The following TSC22D4 variants were observed in gnomAD, a reference collection of about 807,000 sequenced individuals.
TSC22D4 encodes the protein TSC22 domain family member 4, also known as TSC22 domain family protein 4.
Under a neutral mutation model 24.9 loss-of-function variants are expected in TSC22D4, and 5 were observed. The ratio of observed to expected loss-of-function variants is 0.20; its 90% confidence interval spans 0.10 to 0.42. TSC22D4 has a LOEUF of 0.42. Among genes scored for constraint, TSC22D4 ranks in the 10% least tolerant of loss-of-function variants. The pLI is 1.00. For synonymous variants in TSC22D4, 245 were observed against 243.2 expected, an observed-to-expected ratio of 1.01 and a Z score of -0.07; for missense variants, 469 against 547.9, an observed-to-expected ratio of 0.86 and a Z score of 1.44.
intron 3 of TSC22D4, among the ~76,000 whole-genome samples, chr7:100,471,131 C>T (rs1422596202): frequency 6.6e-6 from 1 of 150,702 alleles, no homozygotes; most frequent in Non-Finnish European, 1.5e-5. Flanking sequence ...GGGGATCCCC[C>T]AGGGCCTAGG....
In TSC22D4 at chr7:100,474,127, G is replaced by T; in HGVS notation, c.929+147C>A. 1 of 1,010,764 alleles carries T rather than the reference G, an allele frequency of 9.9e-7. No individual in the cohort carries two copies. Among genetic ancestry groups the T allele is most frequent in the Non-Finnish European group, 1.4e-6 (1 of 690,202 alleles). The allele number at this position is 1,010,764 out of a possible 1,614,324, so 62.6% of individuals were successfully genotyped here. ...GGTCCGAAATCAACTGTGTGCAGTG[G>T]CTATGCCCAGGCCAGGTTTCTCTAA... On this transcript the variant is annotated intron_variant, in intron 3 of 4. Coordinates refer to ENST00000300181, the MANE Select transcript of TSC22D4 (RefSeq NM_030935.5). This position sits in a 1 kb window ranked among gnomAD's most constrained non-coding sequence, Gnocchi z 4.3.
At chr7:100,470,452 C>A (rs1311735326) in intron 3 of TSC22D4, among the ~76,000 whole-genome samples, 3 of 152,092 alleles carry the variant, frequency 2.0e-5, no homozygotes, top group Non-Finnish European at 4.4e-5. Flanking sequence ...CCACCATGCC[C>A]AGCTAATTTT....
In TSC22D4 at chr7:100,466,910, T is replaced by A; in HGVS notation, c.*49A>T. On this transcript the variant is annotated 3_prime_UTR_variant, in exon 5 of 5. Transcript: ENST00000300181. ...TGCATAGGAAGAGGGGGCAGGCGGCTGACGCAAGGCCGGGCAGCCCCAAAG... is the reference window on the plus strand; with the variant it reads ...TGCATAGGAAGAGGGGGCAGGCGGCAGACGCAAGGCCGGGCAGCCCCAAAG... 2.0e-6 allele frequency: 3 copies of A among 1,472,640 alleles called. No individual in the cohort carries two copies. Among genetic ancestry groups the A allele is most frequent in the Non-Finnish European group, 2.7e-6 (3 of 1,104,144 alleles). 91.2% of individuals were successfully genotyped at this position (1,472,640 alleles called of 1,614,324 possible).
chr7:100,467,842 G>A, intron 3 of TSC22D4: 1 of 687,968 alleles, frequency 1.5e-6, no homozygotes, highest in Non-Finnish European at 2.7e-6. Flanking sequence ...GCAAGGGGAA[G>A]AGGCACAGCC....
At chr7:100,472,916 C>T (rs1019015576) in intron 3 of TSC22D4, among the ~76,000 whole-genome samples, 3 of 152,070 alleles carry the variant, frequency 2.0e-5, no homozygotes, top group Non-Finnish European at 4.4e-5. Context: ...ACCCACTCAC[C>T]CACTCTCGAA....
Position 100,466,902 on chromosome 7 carries a change from C to T in TSC22D4, c.*57G>A. On this transcript the variant is annotated 3_prime_UTR_variant, in exon 5 of 5. Coordinates refer to ENST00000300181, the MANE Select transcript of TSC22D4 (RefSeq NM_030935.5). ...ATTAAAGCTGCATAGGAAGAGGGGG[C>T]AGGCGGCTGACGCAAGGCCGGGCAG... The T allele has an allele frequency of 6.9e-7, 1 of 1,443,158 alleles. No homozygotes were observed. The highest frequency in any genetic ancestry group is 9.3e-7 in the Non-Finnish European group (1 of 1,078,810). The allele number at this position is 1,443,158 out of a possible 1,614,324, so 89.4% of individuals were successfully genotyped here.
intron 3 of TSC22D4, chr7:100,473,786 T>C (rs1236032524): frequency 6.6e-6 from 1 of 151,986 alleles, no homozygotes; most frequent in Non-Finnish European, 1.5e-5. Context: ...TTTCTTTCTT[T>C]CTTTTTCTTT....
chr7:100,472,740 C>G (rs1799417173), intron 3 of TSC22D4, among the ~76,000 whole-genome samples: 1 of 139,836 alleles, frequency 7.2e-6, no homozygotes. Context: ...GGCACTCTTG[C>G]CCTCCGTCCC....
chr7:100,476,044 T>C (rs981119779), intron 2 of TSC22D4, among the ~76,000 whole-genome samples: 3 of 145,934 alleles, frequency 2.1e-5, no homozygotes, highest in Admixed American at 6.8e-5. Flanking sequence ...GGCTGGGGAG[T>C]AGGGGGCACT....
In TSC22D4 at chr7:100,467,082, G is replaced by A. The variant is rs1194766462; in HGVS notation, c.1065C>T (p.Asn355=). 3.7e-6 allele frequency: 6 copies of A among 1,614,090 alleles called. No individual in the cohort carries two copies. The highest frequency in any genetic ancestry group is 2.2e-5 in the East Asian group (1 of 44,874). The change falls in exon 5 of 5, where the codon AAC becomes AAT. Residue 355 remains asparagine, a synonymous_variant. Coordinates refer to ENST00000300181, the MANE Select transcript of TSC22D4 (RefSeq NM_030935.5). ...KEQIRELAER[N]AALEQENGLL... is the part of the protein sequence containing the mutation. ...GCCCATTCTCCTGCTCCAGCGCAGC[G>A]TTCCGCTCCGCCAATTCCCGGATCT...
At chr7:100,472,049 T>G (rs2131045767) in intron 3 of TSC22D4, among the ~76,000 whole-genome samples, 1 of 151,998 alleles carries the variant, frequency 6.6e-6, no homozygotes, top group East Asian at 1.9e-4. Context: ...CTGGGGCACG[T>G]GAGCATTCTA....
chr7:100,470,957 T>G (rs1456803644), intron 3 of TSC22D4, among the ~76,000 whole-genome samples: 1 of 152,200 alleles, frequency 6.6e-6, no homozygotes, highest in Non-Finnish European at 1.5e-5. Flanking sequence ...GCAGGACTCT[T>G]GGTCCTGGGG....
Position 100,466,928 on chromosome 7 carries a change from C to A in TSC22D4, c.*31G>T. The A allele has an allele frequency of 6.6e-7, 1 of 1,509,158 alleles. No homozygotes were observed. The highest frequency in any genetic ancestry group is 8.9e-7 in the Non-Finnish European group (1 of 1,125,744). 93.5% of individuals were successfully genotyped at this position (1,509,158 alleles called of 1,614,324 possible). ...AGGCGGCTGACGCAAGGCCGGGCAG[C>A]CCCAAAGGCACATTGTAAGGGAAGG... On this transcript the variant is annotated 3_prime_UTR_variant, in exon 5 of 5. Coordinates refer to ENST00000300181, the MANE Select transcript of TSC22D4 (RefSeq NM_030935.5).
chr7:100,469,227 TA>T (rs57659736), intron 3 of TSC22D4, among the ~76,000 whole-genome samples: 3,305 of 130,318 alleles, frequency 0.025, 70 homozygotes, highest in African/African-American at 0.059. Flanking sequence ...AACTCTGTCT[TA>T]AAAAAAAAAA....
chr7:100,467,451 G>T, intron 4 of TSC22D4, 101 bp downstream of exon 4: 1 of 1,298,220 alleles, frequency 7.7e-7, no homozygotes, highest in Non-Finnish European at 1.1e-6. Flanking sequence ...GGACGGAGGA[G>T]CTGGGAGTTG....
In TSC22D4 at chr7:100,466,996, C is replaced by T. The variant is rs781001373; in HGVS notation, c.1151G>A (p.Arg384Gln). Residue 384 changes from arginine to glutamine, a missense_variant, in exon 5 of 5, where the codon CGG (arginine) becomes CAG (glutamine). By Grantham distance (43) the Arg-to-Gln change is conservative. Coordinates refer to ENST00000300181, the MANE Select transcript of TSC22D4 (RefSeq NM_030935.5). ...LAQLPSSGVP[R>Q]LGPPAPNGPS... ...CCCATTGGGCGCAGGGGGCCCAAGCCGTGGGACCCCCGAGGAGGGCAGCTG... is the reference window on the plus strand; with the variant it reads ...CCCATTGGGCGCAGGGGGCCCAAGCTGTGGGACCCCCGAGGAGGGCAGCTG... The T allele has an allele frequency of 1.2e-5, 19 of 1,597,928 alleles. No individual in the cohort carries two copies. The highest frequency in any genetic ancestry group is 6.7e-5 in the South Asian group (6 of 89,586).
Position 100,466,903 on chromosome 7 carries a change from AG to A in TSC22D4, c.*55del. 6.9e-7 allele frequency: 1 copy of A among 1,443,996 alleles called. No homozygotes were observed. Among genetic ancestry groups the A allele is most frequent in the Non-Finnish European group, 9.3e-7 (1 of 1,079,332 alleles). 89.4% of individuals were successfully genotyped at this position (1,443,996 alleles called of 1,614,324 possible). A position where few individuals can be genotyped will look rare whatever the true frequency, so the allele number is the denominator to read the frequency against. ...TTAAAGCTGCATAGGAAGAGGGGGC[AG>A]GCGGCTGACGCAAGGCCGGGCAGCC... On this transcript the variant is annotated 3_prime_UTR_variant, in exon 5 of 5. Coordinates refer to ENST00000300181, the MANE Select transcript of TSC22D4 (RefSeq NM_030935.5).
At position 100,477,676 on chromosome 7, in the gene TSC22D4, GC is replaced by G; in HGVS notation, c.362del (p.Gly121AlafsTer96). ...GCTCCAACCTGGAATCCAAAGATCT[GC>G]CCCCGGCGCCCCCTGAGGCCCCTCG... ...GIRGASGGAGGRSLDSRLELA... is the reference protein window; with the variant it reads ...GIRGASGGAGXRSLDSRLELA... On this transcript the variant is annotated frameshift_variant, in exon 2 of 5. Coordinates refer to ENST00000300181, the MANE Select transcript of TSC22D4 (RefSeq NM_030935.5). LOFTEE classifies it high-confidence loss of function. This position sits in a 1 kb window ranked among gnomAD's most constrained non-coding sequence, Gnocchi z 7.8. 6.3e-7 allele frequency: 1 copy of G among 1,590,488 alleles called. No homozygotes were observed. The highest frequency in any genetic ancestry group is 1.1e-5 in the South Asian group (1 of 89,528).
chr7:100,477,670 A>C lies in TSC22D4; in HGVS notation c.369T>G (p.Ser123=). 6.3e-7 allele frequency: 1 copy of C among 1,592,990 alleles called. No individual in the cohort carries two copies. The part of the protein sequence containing the change: ...RGASGGAGGR[S]LDSRLELASL... Reference sequence around the variant, plus strand: ...TGGCCAGCTCCAACCTGGAATCCAAAGATCTGCCCCCGGCGCCCCCTGAGG... The same window carrying C: ...TGGCCAGCTCCAACCTGGAATCCAACGATCTGCCCCCGGCGCCCCCTGAGG... The change falls in exon 2 of 5, where the codon TCT becomes TCG. Residue 123 remains serine, a synonymous_variant. Coordinates refer to ENST00000300181, the MANE Select transcript of TSC22D4 (RefSeq NM_030935.5). The surrounding 1 kb of genome is among the most constrained non-coding windows in gnomAD (Gnocchi z 7.8).
Sources: gnomAD v4.1 joint callset for allele counts (sites outside exome capture counted in the v4.1 genomes callset) on GRCh38, gnomAD v4.1.1 for gene constraint, Gnocchi (gnomAD v3.1) non-coding constraint, MANE v1.5 for transcripts, NCBI Gene and HGNC (gene_info 2026-07-23, HGNC 2026-07-21) for gene names.